Variants in VAPA observed in about 807,000 individuals in gnomAD.
The protein encoded by VAPA is vesicle-associated membrane protein-associated protein A.
VAPA carries 6 observed loss-of-function variants against 25.6 expected under a neutral mutation model. That is an observed-to-expected ratio of 0.23 (90% CI 0.13 to 0.46). The LOEUF (loss-of-function observed/expected upper bound fraction) is 0.46, where lower values mean the gene tolerates loss of function less well. VAPA is among the 20% of genes least tolerant of loss of function. The probability of loss-of-function intolerance (pLI) is 0.99; values close to 1 mark genes in which losing one functional copy is unlikely to be tolerated. For synonymous variants in VAPA, 112 were observed against 106.2 expected, an observed-to-expected ratio of 1.05 and a Z score of -0.34; for missense variants, 244 against 302.1, an observed-to-expected ratio of 0.81 and a Z score of 1.43.
intron 1 of VAPA, among the ~76,000 whole-genome samples, chr18:9,922,488 A>G (rs532164702): frequency 2.6e-5 from 4 of 152,308 alleles, no homozygotes; most frequent in East Asian, 3.9e-4. Flanking sequence ...AGCAATCTCA[A>G]TGGCATAGGA....
rs71169911 is a variant in VAPA, at chr18:9,943,841, C to CTTTTTTTTTTT, written c.418-6527_418-6517dup. On this transcript the variant is annotated intron_variant, in intron 4 of 5. Coordinates refer to ENST00000400000, the MANE Select transcript of VAPA (RefSeq NM_194434.3). The stretch of plus-strand genomic sequence containing the variant: ...TGACATTTGAAGGTGACATATTTCC[C>CTTTTTTTTTTT]TTTTTTTTTTTTTTTTTTTTTTTTT... 6.8e-4 allele frequency among the ~76,000 whole-genome samples: 35 copies of CTTTTTTTTTTT among 51,766 alleles called. 10 individuals carry two copies. The highest frequency in any genetic ancestry group is 8.3e-4 in the Non-Finnish European group (22 of 26,572). The allele number at this position is 51,766 out of a possible 152,430, so 34.0% of individuals were successfully genotyped here.
intron 5 of VAPA, 39 bp downstream of exon 5, chr18:9,950,607 A>T: frequency 6.2e-7 from 1 of 1,600,748 alleles, no homozygotes; most frequent in Non-Finnish European, 8.5e-7. Context: ...ATTGAAATGA[A>T]GGTATAGGAC....
intron 1 of VAPA, among the ~76,000 whole-genome samples, chr18:9,915,410 T>G (rs768937459): frequency 6.6e-6 from 1 of 152,240 alleles, no homozygotes; most frequent in African/African-American, 2.4e-5. Flanking sequence ...TAGTGTACTT[T>G]AGGAAAGAGA....
intron 4 of VAPA, among the ~76,000 whole-genome samples, chr18:9,939,721 C>T (rs748850613): frequency 2.2e-4 from 33 of 152,000 alleles, no homozygotes; most frequent in Non-Finnish European, 3.4e-4. Context: ...CCTCTGGGGA[C>T]CGTGCTTGGA....
At chr18:9,951,997 T>C (rs29110) in intron 5 of VAPA, among the ~76,000 whole-genome samples, 3,396 of 152,326 alleles carry the variant, frequency 0.022, 153 homozygotes, top group African/African-American at 0.077. Context: ...TGGTTACTTT[T>C]ACTTCATCTG....
In VAPA at chr18:9,920,849, TC is replaced by T. The variant is rs1433500890; in HGVS notation, c.79+6515del. ...GGCCACTGCAATGCTTTGCACAGGC[TC>T]TGCTTAGAATATTGTCCTCCCTCAC... is the stretch of plus-strand genomic sequence containing the variant. On this transcript the variant is annotated intron_variant, in intron 1 of 5. Coordinates refer to ENST00000400000, the MANE Select transcript of VAPA (RefSeq NM_194434.3). 3.3e-5 allele frequency among the ~76,000 whole-genome samples: 5 copies of T among 152,346 alleles called. No homozygotes were observed. In the East Asian group the frequency reaches 9.6e-4, roughly 29 times the overall value.
At position 9,957,037 on chromosome 18, in the gene VAPA, T is replaced by C. The variant is rs899982697; in HGVS notation, c.*2826T>C. The stretch of plus-strand genomic sequence containing the variant: ...TTCCGATCAAAGAAAAGTAATTCTT[T>C]CTTTTTTTTTTTGAGACAGAGTCTT... On this transcript the variant is annotated 3_prime_UTR_variant, in exon 6 of 6. Transcript: ENST00000400000. 7.9e-6 allele frequency: 1 copy of C among 127,366 alleles called. No homozygotes were observed. The highest frequency in any genetic ancestry group is 1.8e-5 in the Non-Finnish European group (1 of 55,196). The allele number at this position is 127,366 out of a possible 1,614,324, so 7.9% of individuals were successfully genotyped here. A position where few individuals can be genotyped will look rare whatever the true frequency, so the allele number is the denominator to read the frequency against.
In VAPA at chr18:9,921,843, T is replaced by G. The variant is rs3025612; in HGVS notation, c.79+7508T>G. On this transcript the variant is annotated intron_variant, in intron 1 of 5. Transcript: ENST00000400000. ...TTTTAAATTAGTAAGTTTTAAACGT[T>G]TGAAAACTTTCAAACATGAGCACCT... Among the ~76,000 whole-genome samples, 202 of 152,342 alleles carry G rather than the reference T, an allele frequency of 1.3e-3. 1 individual carries two copies. The highest frequency in any genetic ancestry group is 4.6e-3 in the African/African-American group (190 of 41,586).
Position 9,954,116 on chromosome 18 carries a change from T to A in VAPA, c.655T>A (p.Ser219Thr), listed in dbSNP as rs764328153. ...SDKPGSTSTA[S>T]FRDNVTSPLP... ...TAAACCTGGATCAACCTCAACTGCA[T>A]CCTTCAGAGATAATGTCACCAGTCC... The change falls in exon 6 of 6, where the codon TCC (serine) becomes ACC (threonine). Residue 219 changes from serine to threonine, a missense_variant. Physicochemically the swap from Ser to Thr is moderately conservative, Grantham distance 58. Transcript: ENST00000400000. The A allele has an allele frequency of 1.9e-6, 3 of 1,614,170 alleles. No individual in the cohort carries two copies. In the East Asian group the frequency reaches 6.7e-5, roughly 36 times the overall value.
At chr18:9,920,876 G>A (rs1353757912) in intron 1 of VAPA, among the ~76,000 whole-genome samples, 1 of 152,112 alleles carries the variant, frequency 6.6e-6, no homozygotes, top group East Asian at 1.9e-4. Flanking sequence ...CCTCCCTCAC[G>A]TCTGTCAGGC....
intron 1 of VAPA, among the ~76,000 whole-genome samples, chr18:9,923,747 G>A (rs1334687821): frequency 1.3e-5 from 2 of 152,012 alleles, no homozygotes; most frequent in African/African-American, 4.8e-5. Context: ...ACTAACAACA[G>A]ATCCCCAAAA....
intron 4 of VAPA, among the ~76,000 whole-genome samples, chr18:9,940,241 A>C (rs1478157853): frequency 6.6e-6 from 1 of 152,068 alleles, no homozygotes; most frequent in Admixed American, 6.5e-5. Context: ...TTGATGCTCA[A>C]ATTGCCTGGT....
intron 1 of VAPA, chr18:9,914,560 C>T: frequency 4.5e-6 from 1 of 222,450 alleles, no homozygotes; most frequent in Non-Finnish European, 8.7e-6. Context: ...CTGCGGTGCG[C>T]GCGCCGGCCG....
At position 9,936,995 on chromosome 18, in the gene VAPA, G is replaced by T; in HGVS notation, c.346G>T (p.Ala116Ser). The T allele has an allele frequency of 6.2e-7, 1 of 1,613,448 alleles. No individual in the cohort carries two copies. Among genetic ancestry groups the T allele is most frequent in the Non-Finnish European group, 8.5e-7 (1 of 1,179,656 alleles). ...TTTTGTTTATTTTTAGTGGAAAGAG[G>T]CAAAACCTGATGAATTAATGGATTC... Reference protein sequence around the residue: ...TSDMEAVWKEAKPDELMDSKL... With the variant: ...TSDMEAVWKESKPDELMDSKL... The change falls in exon 4 of 6, where the codon GCA becomes TCA. Residue 116 changes from alanine to serine, a missense_variant. This residue lies in a region of VAPA where 99 missense variants were observed against 161.6 expected (regional missense o/e 0.61). Coordinates refer to ENST00000400000, the MANE Select transcript of VAPA (RefSeq NM_194434.3).
chr18:9,942,891 C>G (rs900741628), intron 4 of VAPA, among the ~76,000 whole-genome samples: 1 of 152,154 alleles, frequency 6.6e-6, no homozygotes, highest in African/African-American at 2.4e-5. Flanking sequence ...CTGGAGATTA[C>G]AATTTGACAT....
intron 5 of VAPA, chr18:9,951,307 T>C (rs7237794): frequency 0.024 from 3,679 of 152,314 alleles, 55 homozygotes; most frequent in Middle Eastern, 0.071. Flanking sequence ...CATACACACA[T>C]TGACGTTTTG....
intron 1 of VAPA, among the ~76,000 whole-genome samples, chr18:9,917,017 C>A (rs902826108): frequency 6.6e-6 from 1 of 152,078 alleles, no homozygotes; most frequent in African/African-American, 2.4e-5. Flanking sequence ...TTTCTGTATA[C>A]CTCAGTATTT....
chr18:9,914,362 TGGGGTG>T (rs778781237), intron 1 of VAPA, 27 bp downstream of exon 1: 1 of 1,553,048 alleles, frequency 6.4e-7, no homozygotes. Context: ...CACCCCCGGG[TGGGGTG>T]GGGCGCGCGG....
intron 4 of VAPA, among the ~76,000 whole-genome samples, chr18:9,938,601 G>C (rs1046132119): frequency 6.6e-6 from 1 of 152,164 alleles, no homozygotes; most frequent in Non-Finnish European, 1.5e-5. Context: ...TTTGAGCCTG[G>C]AACCTTTTCA....
Sources: allele counts gnomAD v4.1 joint callset (sites outside exome capture counted in the v4.1 genomes callset), GRCh38; gene constraint gnomAD v4.1.1; regional missense constraint gnomAD v4.1.1; transcripts MANE v1.5; gene names NCBI Gene and HGNC (gene_info 2026-07-23, HGNC 2026-07-21).